The following MYH10 variants were observed in gnomAD, a reference collection of about 807,000 sequenced individuals.
MYH10 encodes the protein myosin heavy chain 10.
A neutral mutation model predicts 257.8 loss-of-function variants in MYH10; 55 were observed. The observed-to-expected ratio is 0.21, with a 90% CI of 0.17 to 0.27. The LOEUF (loss-of-function observed/expected upper bound fraction) is 0.27, where lower values mean the gene tolerates loss of function less well. Ranked by LOEUF, MYH10 falls within the 10% of genes least tolerant of loss-of-function variation. The pLI, the probability that MYH10 is intolerant of heterozygous loss-of-function variation, is 1.00. For missense variants in MYH10, 1,631 were observed against 2,500.6 expected, an observed-to-expected ratio of 0.65 and a Z score of 7.42; for synonymous variants, 854 against 921.7, an observed-to-expected ratio of 0.93 and a Z score of 1.33.
intron 2 of MYH10, among the ~76,000 whole-genome samples, chr17:8,610,271 CAAAAAAA>C (rs71361810): frequency 2.8e-4 from 13 of 45,982 alleles, no homozygotes; most frequent in Admixed American, 2.5e-3. Context: ...CATAGGATTG[CAAAAAAA>C]AAAAAAAAAA....
intron 3 of MYH10, among the ~76,000 whole-genome samples, chr17:8,591,740 C>A (rs1272400244): frequency 1.3e-5 from 2 of 152,178 alleles, no homozygotes; most frequent in African/African-American, 2.4e-5. Context: ...CAGCCTGCTG[C>A]ATACTTCATT....
chr17:8,576,270 G>A (rs1421591978), intron 6 of MYH10, among the ~76,000 whole-genome samples: 6 of 152,268 alleles, frequency 3.9e-5, no homozygotes, highest in Middle Eastern at 6.8e-3. Context: ...AATTTTTAAA[G>A]GGGCAGCCCC....
chr17:8,512,303 T>C, intron 24 of MYH10, 148 bp downstream of exon 24: 2 of 625,966 alleles, frequency 3.2e-6, no homozygotes, highest in South Asian at 2.2e-5. Context: ...TTTCAAATGA[T>C]GGTCATCTTT....
At chr17:8,612,982 G>T (rs1259200351) in intron 2 of MYH10, among the ~76,000 whole-genome samples, 1 of 152,136 alleles carries the variant, frequency 6.6e-6, no homozygotes, top group East Asian at 1.9e-4. Flanking sequence ...AAGACAAGGA[G>T]GACCCACTAT....
chr17:8,586,698 A>G (rs1173994724), intron 4 of MYH10, among the ~76,000 whole-genome samples: 4 of 152,206 alleles, frequency 2.6e-5, no homozygotes, highest in East Asian at 1.9e-4. Flanking sequence ...TCATCTAATC[A>G]TAAGTGCTAG....
At chr17:8,551,154 ATAAAT>A (rs2082630665) in intron 9 of MYH10, among the ~76,000 whole-genome samples, 1 of 118,544 alleles carries the variant, frequency 8.4e-6, no homozygotes, top group Non-Finnish European at 1.8e-5. Flanking sequence ...TAAATAAATA[ATAAAT>A]TTAAAAAAAA....
intron 36 of MYH10, among the ~76,000 whole-genome samples, chr17:8,487,219 G>A (rs1216505311): frequency 2.6e-5 from 4 of 152,254 alleles, no homozygotes; most frequent in Admixed American, 2.0e-4. Flanking sequence ...CAGGAGGCCA[G>A]CATGATGCCT....
At chr17:8,591,796 A>T (rs1171608527) in intron 3 of MYH10, among the ~76,000 whole-genome samples, 1 of 152,034 alleles carries the variant, frequency 6.6e-6, no homozygotes, top group Non-Finnish European at 1.5e-5. Flanking sequence ...CAACAACAAA[A>T]AACCAACTCT....
intron 3 of MYH10, among the ~76,000 whole-genome samples, chr17:8,590,124 C>T (rs1053368294): frequency 2.0e-5 from 3 of 152,160 alleles, no homozygotes; most frequent in Admixed American, 6.5e-5. Context: ...TGGTGGATGC[C>T]TCCGGTGCCT....
At chr17:8,605,064 A>G in intron 2 of MYH10, 82 bp from the exon 3 acceptor site, 1 of 707,016 alleles carries the variant, frequency 1.4e-6, no homozygotes, top group Non-Finnish European at 2.1e-6. Flanking sequence ...CAGAAACCAA[A>G]GAGTCATTTA....
Position 8,625,272 on chromosome 17 carries a change from T to A in MYH10, c.-31-1995A>T, listed in dbSNP as rs1000219747. 3.9e-5 allele frequency among the ~76,000 whole-genome samples: 6 copies of A among 152,054 alleles called. No homozygotes were observed. In the East Asian group the frequency reaches 5.8e-4, roughly 15 times the overall value. Reference sequence around the variant, plus strand: ...TCTCAAAAACAAACAAAAATAAATTTAAAAAAATAATTTACTAGAACCAAA... The same window carrying A: ...TCTCAAAAACAAACAAAAATAAATTAAAAAAAATAATTTACTAGAACCAAA... On this transcript the variant is annotated intron_variant, in intron 1 of 42. Coordinates refer to ENST00000360416, the MANE Select transcript of MYH10 (RefSeq NM_001256012.3).
At position 8,476,862 on chromosome 17, in the gene MYH10, G is replaced by A. The variant is rs370946680; in HGVS notation, c.5879+14C>T. On this transcript the variant is annotated intron_variant, in intron 42 of 42. Coordinates refer to ENST00000360416, the MANE Select transcript of MYH10 (RefSeq NM_001256012.3). ...AGCAGCTGCCTGTCAGCTCGGGGCC[G>A]CATGCCTGCTCACCTCAGCCGGTTC... 16 of 1,598,366 alleles carry A rather than the reference G, an allele frequency of 1.0e-5. No individual in the cohort carries two copies. The highest frequency in any genetic ancestry group is 6.7e-5 in the African/African-American group (5 of 74,720).
At chr17:8,548,258 T>C (rs918380392) in intron 11 of MYH10, 55 bp downstream of exon 11, 21 of 1,402,388 alleles carry the variant, frequency 1.5e-5, no homozygotes, top group African/African-American at 2.9e-5. Flanking sequence ...AACACCTTCT[T>C]AGAGAGCACA....
chr17:8,478,485 T>C (rs1913082839), intron 40 of MYH10, 39 bp from the exon 41 acceptor site: 2 of 1,585,744 alleles, frequency 1.3e-6, no homozygotes, highest in Non-Finnish European at 1.7e-6. Context: ...ATTCTTGAAA[T>C]GGTATTTTGT....
At chr17:8,486,013 T>G (rs1373731353) in intron 36 of MYH10, among the ~76,000 whole-genome samples, 2 of 152,224 alleles carry the variant, frequency 1.3e-5, no homozygotes, top group Non-Finnish European at 2.9e-5. Flanking sequence ...GTGCGGTACT[T>G]GTTCATGTGG....
rs1014989232 is a variant in MYH10 at position 8,480,170 on chromosome 17, G to T, written c.5537C>A (p.Thr1846Asn). The change falls in exon 40 of 43, where the codon ACC (threonine) becomes AAC (asparagine). Residue 1846 changes from threonine (T) to asparagine (N), a missense_variant. This residue lies in a region of MYH10 where 343 missense variants were observed against 389.5 expected (regional missense o/e 0.88). Coordinates refer to ENST00000360416, the MANE Select transcript of MYH10 (RefSeq NM_001256012.3). ...AATCTTGGCCTCCAGGGCTGAGATG[G>T]TGGCCTTGAACTTAGACTTGACAGC... ...EGAVKSKFKA[T>N]ISALEAKIGQ... is the part of the protein sequence containing the mutation. 1.9e-6 allele frequency: 3 copies of T among 1,614,002 alleles called. No homozygotes were observed. The highest frequency in any genetic ancestry group is 1.7e-6 in the Non-Finnish European group (2 of 1,180,030).
chr17:8,498,004 CAG>C (rs1491151950), intron 30 of MYH10, among the ~76,000 whole-genome samples: 1 of 77,140 alleles, frequency 1.3e-5, no homozygotes, highest in African/African-American at 4.8e-5. Flanking sequence ...TTTTTTGAGA[CAG>C]AGTCTTGTTC....
At chr17:8,581,590 G>A (rs1216416985) in intron 4 of MYH10, among the ~76,000 whole-genome samples, 1 of 151,994 alleles carries the variant, frequency 6.6e-6, no homozygotes, top group East Asian at 1.9e-4. Context: ...TAGAAAATAT[G>A]GCTTCAAAGA....
At chr17:8,519,438 C>T (rs1225654197) in intron 19 of MYH10, among the ~76,000 whole-genome samples, 1 of 152,102 alleles carries the variant, frequency 6.6e-6, no homozygotes, top group Non-Finnish European at 1.5e-5. Context: ...TATACACATA[C>T]ATATGTTCAC....
Sources: gnomAD v4.1 joint callset for allele counts (sites outside exome capture counted in the v4.1 genomes callset) on GRCh38, gnomAD v4.1.1 for gene constraint, gnomAD v4.1.1 regional missense constraint, MANE v1.5 for transcripts, NCBI Gene and HGNC (gene_info 2026-07-23, HGNC 2026-07-21) for gene names.